NFATC2: variants seen among roughly 807,000 people sequenced by gnomAD.
The protein encoded by NFATC2 is nuclear factor of activated T-cells, cytoplasmic 2.
Under a neutral mutation model 87.3 loss-of-function variants are expected in NFATC2, and 22 were observed. The observed-to-expected ratio is 0.25, with a 90% CI of 0.18 to 0.36. The LOEUF (loss-of-function observed/expected upper bound fraction) is 0.36, where lower values mean the gene tolerates loss of function less well. Among genes scored for constraint, NFATC2 ranks in the 10% least tolerant of loss-of-function variants. The pLI is 1.00. For synonymous variants in NFATC2, 565 were observed against 542.2 expected, an observed-to-expected ratio of 1.04 and a Z score of -0.58; for missense variants, 1,149 against 1,259.1, an observed-to-expected ratio of 0.91 and a Z score of 1.32.
At chr20:51,552,422 G>A (rs1435875357) in intron 1 of NFATC2, among the ~76,000 whole-genome samples, 1 of 152,060 alleles carries the variant, frequency 6.6e-6, no homozygotes, top group African/African-American at 2.4e-5. Flanking sequence ...CCATTTTTAG[G>A]GATGAGCTCC....
intron 6 of NFATC2, among the ~76,000 whole-genome samples, chr20:51,438,318 G>A (rs558591502): frequency 1.1e-3 from 166 of 152,094 alleles, no homozygotes; most frequent in Non-Finnish European, 1.9e-3. Flanking sequence ...AATGAACAGC[G>A]GAAATGGCAA....
chr20:51,542,268 T>G, intron 1 of NFATC2, 102 bp downstream of exon 1: 55 of 1,387,730 alleles, frequency 4.0e-5, no homozygotes, highest in African/African-American at 6.1e-5. Context: ...CCAGGCCCCT[T>G]AGGAAGGGGG....
chr20:51,510,780 C>T (rs765506475), intron 3 of NFATC2, among the ~76,000 whole-genome samples: 14 of 152,216 alleles, frequency 9.2e-5, no homozygotes, highest in Non-Finnish European at 1.3e-4. Flanking sequence ...AGCCACCACA[C>T]TCACCTGAGA....
At chr20:51,392,228 C>T (rs1338736324) in intron 10 of NFATC2, among the ~76,000 whole-genome samples, 1 of 152,186 alleles carries the variant, frequency 6.6e-6, no homozygotes, top group African/African-American at 2.4e-5. Context: ...GAGGGCCCCC[C>T]AAAGACTGAC....
chr20:51,512,866 C>A (rs993321646), intron 3 of NFATC2, among the ~76,000 whole-genome samples: 2 of 152,056 alleles, frequency 1.3e-5, no homozygotes, highest in Non-Finnish European at 2.9e-5. Flanking sequence ...GAGAAGCCGG[C>A]GGAAGCATTC....
Position 51,490,428 on chromosome 20 carries a change from A to T in NFATC2, c.1333-14768T>A, listed in dbSNP as rs1263694604. 3.3e-5 allele frequency among the ~76,000 whole-genome samples: 5 copies of T among 152,230 alleles called. 1 individual carries two copies. The highest frequency in any genetic ancestry group is 1.2e-4 in the African/African-American group (5 of 41,448). ...AGTCTCTAAAGAGGGAAGAATACAC[A>T]GCCACAAATGGACACACCACTGTTC... is the stretch of plus-strand genomic sequence containing the variant. On this transcript the variant is annotated intron_variant, in intron 3 of 10. Coordinates refer to ENST00000371564, the MANE Select transcript of NFATC2 (RefSeq NM_012340.5).
intron 9 of NFATC2, among the ~76,000 whole-genome samples, chr20:51,420,646 T>G (rs80195485): frequency 6.6e-6 from 1 of 152,156 alleles, no homozygotes; most frequent in East Asian, 1.9e-4. Context: ...AAACCAGACT[T>G]AAAACAAAGG....
rs553229731 is a variant in NFATC2 at position 51,480,015 on chromosome 20, C to T, written c.1333-4355G>A. On this transcript the variant is annotated intron_variant, in intron 3 of 10. Transcript: ENST00000371564. This position sits in a 1 kb window ranked among gnomAD's most constrained non-coding sequence, Gnocchi z 4.2. ...AGAATGTGCTTCCTGGGGCCAGGCG[C>T]GGTGGCTCGTGCCTGTAATCCCAGC... Among the ~76,000 whole-genome samples the T allele has an allele frequency of 3.9e-5, 6 of 152,104 alleles. No individual in the cohort carries two copies. Among genetic ancestry groups the T allele is most frequent in the South Asian group, 2.1e-4 (1 of 4,810 alleles).
At chr20:51,454,718 GATA>G in intron 5 of NFATC2, 30 bp from the exon 6 acceptor site, 1 of 1,611,618 alleles carries the variant, frequency 6.2e-7, no homozygotes. Flanking sequence ...AAGTCACTGT[GATA>G]AGGGGAGATG....
intron 6 of NFATC2, among the ~76,000 whole-genome samples, chr20:51,436,646 C>T (rs531642665): frequency 3.2e-4 from 48 of 151,950 alleles, no homozygotes; most frequent in Non-Finnish European, 5.7e-4. Flanking sequence ...ACCCAGGAGG[C>T]GGACGTTACA....
intron 9 of NFATC2, among the ~76,000 whole-genome samples, chr20:51,404,138 T>A (rs1988327111): frequency 6.6e-6 from 1 of 152,176 alleles, no homozygotes; most frequent in South Asian, 2.1e-4. Context: ...ATCCTGCTTG[T>A]CTGCCCATGA....
At chr20:51,403,027 G>A (rs1355042197) in intron 9 of NFATC2, among the ~76,000 whole-genome samples, 1 of 152,122 alleles carries the variant, frequency 6.6e-6, no homozygotes, top group East Asian at 1.9e-4. Context: ...TCACAGCACA[G>A]GCCCAACATG....
intron 9 of NFATC2, among the ~76,000 whole-genome samples, chr20:51,421,960 A>G (rs1258067170): frequency 6.6e-6 from 1 of 152,152 alleles, no homozygotes; most frequent in African/African-American, 2.4e-5. Flanking sequence ...AGACACCATC[A>G]ACTTCCAGAA....
At chr20:51,468,845 G>C (rs573127406) in intron 5 of NFATC2, among the ~76,000 whole-genome samples, 1 of 152,280 alleles carries the variant, frequency 6.6e-6, no homozygotes, top group South Asian at 2.1e-4. Flanking sequence ...TCTAAACAGG[G>C]GCCTTGGATG....
At chr20:51,406,669 G>C (rs1301874841) in intron 9 of NFATC2, among the ~76,000 whole-genome samples, 2 of 152,204 alleles carry the variant, frequency 1.3e-5, no homozygotes, top group Non-Finnish European at 2.9e-5. Context: ...GGGGTTTCTA[G>C]ACCTCACAGA....
chr20:51,523,591 G>C lies in NFATC2; in HGVS notation c.650C>G (p.Ser217Trp). The part of the protein sequence containing the change: ...NIPAHYSPRT[S>W]PIMSPRTSLA... ...GCTGGTTCGAGGTGACATTATTGGC[G>C]AGGTTCTGGGGGAATAATGAGCAGG... The change falls in exon 2 of 11, where the codon TCG becomes TGG. Residue 217 changes from serine (S) to tryptophan (W), a missense_variant. Ser to Trp is a radical substitution (Grantham distance 177). This residue lies in a region of NFATC2 where 563 missense variants were observed against 585.2 expected (regional missense o/e 0.96). Coordinates refer to ENST00000371564, the MANE Select transcript of NFATC2 (RefSeq NM_012340.5). This position sits in a 1 kb window ranked among gnomAD's most constrained non-coding sequence, Gnocchi z 6.9. The C allele has an allele frequency of 6.2e-7, 1 of 1,613,912 alleles. No homozygotes were observed. Among genetic ancestry groups the C allele is most frequent in the Non-Finnish European group, 8.5e-7 (1 of 1,179,848 alleles).
chr20:51,553,401 C>T (rs372559481), intron 1 of NFATC2, among the ~76,000 whole-genome samples: 1 of 152,134 alleles, frequency 6.6e-6, no homozygotes, highest in Non-Finnish European at 1.5e-5. Flanking sequence ...GCGTGCTGGG[C>T]GCGGTGGCTC....
chr20:51,405,194 A>G (rs540165145), intron 9 of NFATC2, among the ~76,000 whole-genome samples: 2 of 152,174 alleles, frequency 1.3e-5, no homozygotes, highest in South Asian at 2.1e-4. Context: ...ATGCCCCCCA[A>G]ATTAGCTTCC....
chr20:51,410,173 G>C (rs1267280181), intron 9 of NFATC2, among the ~76,000 whole-genome samples: 1 of 130,374 alleles, frequency 7.7e-6, no homozygotes, highest in African/African-American at 2.9e-5. Context: ...TCATGCCACT[G>C]CACTCCAGCC....
Sources: gnomAD v4.1 joint callset for allele counts (sites outside exome capture counted in the v4.1 genomes callset) on GRCh38, gnomAD v4.1.1 for gene constraint, gnomAD v4.1.1 regional missense constraint, Gnocchi (gnomAD v3.1) non-coding constraint, MANE v1.5 for transcripts, NCBI Gene and HGNC (gene_info 2026-07-23, HGNC 2026-07-21) for gene names.